SNTG1: variants seen among roughly 807,000 people sequenced by gnomAD.
SNTG1 encodes syntrophin gamma 1, also known as gamma-1-syntrophin.
In SNTG1, 39 loss-of-function variants were observed where a neutral mutation model predicts 74.7. That is an observed-to-expected ratio of 0.52 (90% CI 0.40 to 0.68). SNTG1 has a LOEUF of 0.68. Ranked by LOEUF, SNTG1 falls within the 30% of genes least tolerant of loss-of-function variation. The pLI is 0.00. For synonymous variants in SNTG1, 254 were observed against 217.1 expected (o/e 1.17, Z -1.49); for missense variants, 685 against 609.5 (o/e 1.12, Z -1.30).
intron 18 of SNTG1, among the ~76,000 whole-genome samples, chr8:50,781,227 G>A (rs2095658442): frequency 6.6e-6 from 1 of 152,268 alleles, no homozygotes; most frequent in East Asian, 1.9e-4. Context: ...AGTCCACTTG[G>A]TGCAGAGCTG....
intron 8 of SNTG1, among the ~76,000 whole-genome samples, chr8:50,472,552 T>TA (rs1017383370): frequency 1.4e-4 from 22 of 151,964 alleles, no homozygotes; most frequent in African/African-American, 4.8e-4. Context: ...TAATAAGACC[T>TA]AAAAAAATAC....
In SNTG1 at chr8:50,547,436, T is replaced by G. The variant is rs199618124; in HGVS notation, c.681-5614T>G. ...AAACTGCCACAATCCCCTTAAAATA[T>G]ATGAATCTCTTTGGAAAAGTCCACT... On this transcript the variant is annotated intron_variant, in intron 11 of 18. Coordinates refer to ENST00000642720, the MANE Select transcript of SNTG1 (RefSeq NM_018967.5). 6.6e-5 allele frequency among the ~76,000 whole-genome samples: 10 copies of G among 152,270 alleles called. No homozygotes were observed. In the East Asian group the frequency reaches 1.9e-3, roughly 29 times the overall value.
At chr8:50,640,248 C>T (rs1046175298) in intron 13 of SNTG1, among the ~76,000 whole-genome samples, 2 of 152,102 alleles carry the variant, frequency 1.3e-5, no homozygotes, top group African/African-American at 4.8e-5. Flanking sequence ...ATTTATACCC[C>T]AGGCTGTTTT....
intron 2 of SNTG1, among the ~76,000 whole-genome samples, chr8:50,259,508 A>AAG (rs2087052385): frequency 6.4e-5 from 1 of 15,748 alleles, no homozygotes; most frequent in African/African-American, 7.7e-5. Flanking sequence ...CAAAAAAAAA[A>AAG]AAAGAAAGAA....
chr8:50,627,448 T>C (rs2131085107), intron 13 of SNTG1, among the ~76,000 whole-genome samples: 1 of 152,268 alleles, frequency 6.6e-6, no homozygotes, highest in South Asian at 2.1e-4. Flanking sequence ...CAACAGCATT[T>C]TGGAAGCAGA....
intron 1 of SNTG1, among the ~76,000 whole-genome samples, chr8:49,930,368 A>C (rs1045346179): frequency 3.3e-5 from 5 of 152,104 alleles, no homozygotes; most frequent in African/African-American, 1.2e-4. Flanking sequence ...GATTGTGAGA[A>C]TCATACTATA....
intron 1 of SNTG1, among the ~76,000 whole-genome samples, chr8:50,000,091 T>G (rs1814606891): frequency 6.6e-6 from 1 of 152,172 alleles, no homozygotes; most frequent in African/African-American, 2.4e-5. Context: ...ACTTTTGTTT[T>G]TCATTTAGTG....
intron 1 of SNTG1, among the ~76,000 whole-genome samples, chr8:49,930,715 C>T (rs365318): frequency 0.86 from 130,154 of 152,110 alleles, 55,863 homozygotes; most frequent in East Asian, 1. Context: ...AGCACATTAA[C>T]GACAATAACT....
intron 9 of SNTG1, among the ~76,000 whole-genome samples, chr8:50,522,971 C>T (rs900938986): frequency 7.2e-5 from 11 of 152,236 alleles, no homozygotes; most frequent in African/African-American, 2.2e-4. Flanking sequence ...TTAATGAAGC[C>T]GTATTCATCA....
chr8:50,712,528 T>G (rs985451423), intron 17 of SNTG1, among the ~76,000 whole-genome samples: 1 of 152,194 alleles, frequency 6.6e-6, no homozygotes, highest in East Asian at 1.9e-4. Context: ...TGGATACATG[T>G]GCAAAACATG....
intron 2 of SNTG1, among the ~76,000 whole-genome samples, chr8:50,257,624 C>T (rs1326205189): frequency 6.6e-6 from 1 of 152,154 alleles, no homozygotes; most frequent in Non-Finnish European, 1.5e-5. Context: ...TGAATTTTTG[C>T]AATCAGTCCT....
At chr8:50,521,139 A>T (rs571445982) in intron 9 of SNTG1, among the ~76,000 whole-genome samples, 1 of 152,310 alleles carries the variant, frequency 6.6e-6, no homozygotes, top group South Asian at 2.1e-4. Flanking sequence ...TGAAACTGGA[A>T]ACCATCATTC....
At position 50,108,164 on chromosome 8, in the gene SNTG1, A is replaced by G. The variant is rs149394217; in HGVS notation, c.-102-64397A>G. 3.1e-4 allele frequency among the ~76,000 whole-genome samples: 47 copies of G among 152,288 alleles called. No homozygotes were observed. The East Asian group carries it at 6.0e-3, about 19-fold the overall frequency. Reference sequence around the variant, plus strand: ...CTCTTTAAATAATTAGGCCAGCATCATTTACTAACTAAATAGAACTCTGTT... The same window carrying G: ...CTCTTTAAATAATTAGGCCAGCATCGTTTACTAACTAAATAGAACTCTGTT... On this transcript the variant is annotated intron_variant, in intron 1 of 18. Coordinates refer to ENST00000642720, the MANE Select transcript of SNTG1 (RefSeq NM_018967.5).
chr8:50,368,613 C>A (rs1445120493), intron 2 of SNTG1, among the ~76,000 whole-genome samples: 4 of 152,084 alleles, frequency 2.6e-5, no homozygotes, highest in Non-Finnish European at 5.9e-5. Flanking sequence ...CCCGTTTGAA[C>A]TGAAGAGGAT....
chr8:50,154,973 T>A (rs935779673), intron 1 of SNTG1, among the ~76,000 whole-genome samples: 6 of 152,224 alleles, frequency 3.9e-5, no homozygotes, highest in African/African-American at 1.4e-4. Flanking sequence ...ATAAAATGGG[T>A]GTAGGTTATA....
At position 50,464,952 on chromosome 8, in the gene SNTG1, GA is replaced by G. The variant is rs71233500; in HGVS notation, c.363+14237del. ...GACACAAAATGAGTACATGCTGTTG[GA>G]AAAAAAAAAAAAATGCTCTGATAGA... On this transcript the variant is annotated intron_variant, in intron 8 of 18. Transcript: ENST00000642720. 1.4e-3 allele frequency among the ~76,000 whole-genome samples: 202 copies of G among 143,556 alleles called. 1 individual carries two copies. Among genetic ancestry groups the G allele is most frequent in the Middle Eastern group, 7.2e-3 (2 of 278 alleles). 94.2% of individuals were successfully genotyped at this position (143,556 alleles called of 152,430 possible).
At chr8:50,176,922 T>C (rs932775969) in intron 2 of SNTG1, among the ~76,000 whole-genome samples, 8 of 152,148 alleles carry the variant, frequency 5.3e-5, no homozygotes, top group African/African-American at 1.7e-4. Flanking sequence ...GGCAGATTAA[T>C]CTAGGCTGCT....
chr8:50,212,016 C>T (rs1563747024), intron 2 of SNTG1, among the ~76,000 whole-genome samples: 1 of 152,060 alleles, frequency 6.6e-6, no homozygotes, highest in African/African-American at 2.4e-5. Flanking sequence ...TCAGAAATTT[C>T]CATAATAATT....
chr8:50,613,898 T>C (rs531455687), intron 13 of SNTG1, among the ~76,000 whole-genome samples: 227 of 152,270 alleles, frequency 1.5e-3, no homozygotes, highest in African/African-American at 5.3e-3. Flanking sequence ...AAATAAAAGT[T>C]GTAAAATAAA....
Sources: allele counts gnomAD v4.1 joint callset (sites outside exome capture counted in the v4.1 genomes callset), GRCh38; gene constraint gnomAD v4.1.1; transcripts MANE v1.5; gene names NCBI Gene and HGNC (gene_info 2026-07-23, HGNC 2026-07-21).